Variants in USH2A observed in about 807,000 individuals in gnomAD.
The protein encoded by USH2A is usherin.
A neutral mutation model predicts 538.9 loss-of-function variants in USH2A; 443 were observed. The observed-to-expected ratio is 0.82, with a 90% CI of 0.76 to 0.89. The LOEUF (loss-of-function observed/expected upper bound fraction) is 0.89. USH2A is among the 40% of genes least tolerant of loss of function. The pLI is 0.00. For missense variants in USH2A, 6,633 were observed against 6,324.8 expected (o/e 1.05, Z -1.65); for synonymous variants, 2,413 against 2,273.5 (o/e 1.06, Z -1.75).
intron 21 of USH2A, among the ~76,000 whole-genome samples, chr1:216,151,505 T>C (rs552655410): frequency 1.1e-3 from 161 of 152,286 alleles, no homozygotes; most frequent in African/African-American, 3.8e-3. Context: ...TCTGCCTCCA[T>C]GATTGCTCTC....
chr1:215,971,289 G>A (rs1667489553), intron 35 of USH2A, among the ~76,000 whole-genome samples: 2 of 152,020 alleles, frequency 1.3e-5, no homozygotes, highest in South Asian at 4.1e-4. Context: ...GTATCATATT[G>A]GAGGAGAAAC....
Position 215,675,450 on chromosome 1 carries a change from G to A in USH2A, c.12461C>T (p.Pro4154Leu). Residue 4154 changes from proline (P) to leucine (L), a missense_variant, in exon 63 of 72, where the codon CCT becomes CTT. By Grantham distance (98) the Pro-to-Leu change is moderately conservative. Coordinates refer to ENST00000307340, the MANE Select transcript of USH2A (RefSeq NM_206933.4). ...APQPLWTDEA[P>L]PDSQLAPTVH... The stretch of plus-strand genomic sequence containing the variant: ...AGTAGGAGCCAGCTGAGAGTCTGGA[G>A]GGGCTTCATCTGTCCACAGAGGCTG... The A allele has an allele frequency of 6.2e-7, 1 of 1,613,984 alleles. No individual in the cohort carries two copies. The highest frequency in any genetic ancestry group is 8.5e-7 in the Non-Finnish European group (1 of 1,179,890).
chr1:216,127,180 G>A (rs567535589), intron 21 of USH2A, among the ~76,000 whole-genome samples: 198 of 152,290 alleles, frequency 1.3e-3, no homozygotes, highest in African/African-American at 4.5e-3. Context: ...ATATGCCAAA[G>A]CAATATACAA....
At chr1:216,390,138 T>G (rs1340099356) in intron 3 of USH2A, among the ~76,000 whole-genome samples, 1 of 152,148 alleles carries the variant, frequency 6.6e-6, no homozygotes, top group African/African-American at 2.4e-5. Flanking sequence ...ATTTGAATTG[T>G]TTGATATCTT....
At chr1:215,643,033 T>C (rs1656738598) in intron 67 of USH2A, among the ~76,000 whole-genome samples, 1 of 152,240 alleles carries the variant, frequency 6.6e-6, no homozygotes, top group Non-Finnish European at 1.5e-5. Context: ...TCTTGCTCTG[T>C]TGCCCAGGCT....
chr1:215,736,479 A>C (rs981952422), intron 60 of USH2A, among the ~76,000 whole-genome samples: 1 of 151,992 alleles, frequency 6.6e-6, no homozygotes, highest in African/African-American at 2.4e-5. Context: ...TTGATAAACT[A>C]GTTAGCATTT....
At chr1:215,912,858 C>A (rs1325613264) in intron 38 of USH2A, among the ~76,000 whole-genome samples, 1 of 151,992 alleles carries the variant, frequency 6.6e-6, no homozygotes, top group Non-Finnish European at 1.5e-5. Context: ...TCTTTGTGTT[C>A]ATGAATTCTC....
At chr1:216,039,734 C>T (rs1307436050) in intron 32 of USH2A, among the ~76,000 whole-genome samples, 13 of 151,948 alleles carry the variant, frequency 8.6e-5, no homozygotes, top group African/African-American at 2.7e-4. Flanking sequence ...TTATAACGCT[C>T]GGATAGAAGT....
intron 57 of USH2A, among the ~76,000 whole-genome samples, chr1:215,759,161 C>A (rs568937809): frequency 2.0e-5 from 3 of 152,108 alleles, no homozygotes; most frequent in African/African-American, 7.2e-5. Context: ...CTACTTTCTA[C>A]AGTAAAACAT....
chr1:216,314,385 T>C (rs1469993632), intron 9 of USH2A, among the ~76,000 whole-genome samples: 2 of 152,080 alleles, frequency 1.3e-5, no homozygotes, highest in Non-Finnish European at 2.9e-5. Flanking sequence ...GATCCTATAA[T>C]ATGAACTGTG....
rs1246221491 is a variant in USH2A, at chr1:216,201,011, C to CCCTTCCTTCCTT, written c.3317-902_3317-891dup. Among the ~76,000 whole-genome samples, 309 of 39,016 alleles carry CCCTTCCTTCCTT rather than the reference C, an allele frequency of 7.9e-3. 4 individuals are homozygous for CCCTTCCTTCCTT. The highest frequency in any genetic ancestry group is 0.012 in the Non-Finnish European group (237 of 19,034). The allele number at this position is 39,016 out of a possible 152,430, so 25.6% of individuals were successfully genotyped here. ...TCCCTCCCTCCCTCCCTCCCTCCCT[C>CCCTTCCTTCCTT]CCTTCCTTCCTTCCTTCCTTCCTTC... On this transcript the variant is annotated intron_variant, in intron 16 of 71. Coordinates refer to ENST00000307340, the MANE Select transcript of USH2A (RefSeq NM_206933.4).
At chr1:215,703,862 GA>G (rs55982293) in intron 61 of USH2A, among the ~76,000 whole-genome samples, 3 of 150,914 alleles carry the variant, frequency 2.0e-5, no homozygotes, top group African/African-American at 7.3e-5. Context: ...CTGGGGTATG[GA>G]AAAAAAAACT....
intron 56 of USH2A, among the ~76,000 whole-genome samples, chr1:215,762,259 A>G (rs1472604198): frequency 6.6e-6 from 1 of 152,168 alleles, no homozygotes; most frequent in Non-Finnish European, 1.5e-5. Flanking sequence ...TTCAAAAGAT[A>G]AAGTATAAAA....
At chr1:216,015,189 G>A (rs1668675490) in intron 32 of USH2A, among the ~76,000 whole-genome samples, 1 of 152,088 alleles carries the variant, frequency 6.6e-6, no homozygotes, top group Admixed American at 6.6e-5. Flanking sequence ...TTGCTATTTG[G>A]TATTCCAACC....
Position 216,083,568 on chromosome 1 carries a change from G to T in USH2A, c.5186C>A (p.Pro1729Gln), listed in dbSNP as rs749638555. The T allele has an allele frequency of 1.9e-6, 3 of 1,612,092 alleles. No individual in the cohort carries two copies. The South Asian group carries it at 3.3e-5, about 18-fold the overall frequency. Residue 1729 changes from proline to glutamine, a missense_variant, in exon 26 of 72, where the codon CCA (proline) becomes CAA (glutamine). Physicochemically the swap from Pro to Gln is moderately conservative, Grantham distance 76. Coordinates refer to ENST00000307340, the MANE Select transcript of USH2A (RefSeq NM_206933.4). ...GTTCATTCCACCATGAAACATATAT[G>T]GATGAAGTTCCAGGAACCCTTTAAA... ...FLGAGFLELHPYMFHGGMNFE... is the reference protein window; with the variant it reads ...FLGAGFLELHQYMFHGGMNFE...
chr1:216,087,632 T>C (rs1327164674), intron 23 of USH2A, among the ~76,000 whole-genome samples: 1 of 152,094 alleles, frequency 6.6e-6, no homozygotes, highest in Non-Finnish European at 1.5e-5. Flanking sequence ...AATAAAACTT[T>C]ATAAAAACAG....
chr1:215,799,769 T>G (rs1172516253), intron 49 of USH2A, among the ~76,000 whole-genome samples: 1 of 152,092 alleles, frequency 6.6e-6, no homozygotes, highest in Non-Finnish European at 1.5e-5. Flanking sequence ...GTGGATAACT[T>G]GAGGCCAGGA....
In USH2A at chr1:216,100,429, TTCTTC is replaced by T. The variant is rs557214078; in HGVS notation, c.4628-3221_4628-3217del. Among the ~76,000 whole-genome samples, 761 of 152,302 alleles carry T rather than the reference TTCTTC, an allele frequency of 5.0e-3. 1 individual carries two copies. The highest frequency in any genetic ancestry group is 5.9e-3 in the Non-Finnish European group (398 of 68,002). On this transcript the variant is annotated intron_variant, in intron 21 of 71. Transcript: ENST00000307340. ...AACAATTATATTTCTACCAACTCTT[TTCTTC>T]TCTTAAGCTTCTCTCCTTATGGTTC... is the stretch of plus-strand genomic sequence containing the variant.
At chr1:216,061,840 A>C (rs543490673) in intron 30 of USH2A, among the ~76,000 whole-genome samples, 1 of 152,306 alleles carries the variant, frequency 6.6e-6, no homozygotes, top group African/African-American at 2.4e-5. Flanking sequence ...AATGCCAGCA[A>C]GCTCTCAGCA....
Sources: gnomAD v4.1 joint callset for allele counts (sites outside exome capture counted in the v4.1 genomes callset) on GRCh38, gnomAD v4.1.1 for gene constraint, MANE v1.5 for transcripts, NCBI Gene and HGNC (gene_info 2026-07-23, HGNC 2026-07-21) for gene names.